The following CCDC179 variants were observed in gnomAD, a reference collection of about 807,000 sequenced individuals.
CCDC179 encodes the protein coiled-coil domain containing 179, also known as coiled-coil domain-containing protein 179.
CCDC179 carries 17 observed loss-of-function variants against 12.0 expected under a neutral mutation model. That is an observed-to-expected ratio of 1.42 (90% CI 0.97 to 2.13). The LOEUF is 2.13. CCDC179 is among the 30% of genes most tolerant of loss of function. CCDC179 has a pLI of 0.00. For missense variants in CCDC179, 83 were observed against 78.6 expected (o/e 1.06, Z -0.21); for synonymous variants, 27 against 26.4 (o/e 1.02, Z -0.07).
chr11:22,855,672 A>G (rs976721278), intron 3 of CCDC179, among the ~76,000 whole-genome samples: 1 of 151,628 alleles, frequency 6.6e-6, no homozygotes, highest in African/African-American at 2.4e-5. Flanking sequence ...AACCCAAAGT[A>G]AGCAGTAGAA....
chr11:22,849,206 C>A (rs1858311683), intron 3 of CCDC179, among the ~76,000 whole-genome samples: 1 of 152,160 alleles, frequency 6.6e-6, no homozygotes, highest in Non-Finnish European at 1.5e-5. Context: ...GGTATACTTT[C>A]TCTTTTATGA....
At chr11:22,860,001 C>T (rs1190092403) in intron 1 of CCDC179, among the ~76,000 whole-genome samples, 1 of 152,170 alleles carries the variant, frequency 6.6e-6, no homozygotes, top group Admixed American at 6.5e-5. Flanking sequence ...TAAATAACTC[C>T]TCCTTCACTC....
chr11:22,859,548 CAG>C, intron 1 of CCDC179, 52 bp from the exon 2 acceptor site: 1 of 1,104,154 alleles, frequency 9.1e-7, no homozygotes, highest in Non-Finnish European at 1.2e-6. Flanking sequence ...TCATTAAAAA[CAG>C]TAAATTAATT....
intron 3 of CCDC179, among the ~76,000 whole-genome samples, chr11:22,854,449 CA>C (rs1858489290): frequency 6.6e-6 from 1 of 151,630 alleles, no homozygotes; most frequent in African/African-American, 2.4e-5. Context: ...AATACTATGT[CA>C]AAAGGTAACT....
intron 1 of CCDC179, among the ~76,000 whole-genome samples, chr11:22,860,047 G>A (rs1858625884): frequency 6.6e-6 from 1 of 152,154 alleles, no homozygotes; most frequent in African/African-American, 2.4e-5. Flanking sequence ...AGACCCAAGA[G>A]CAATCTGTTC....
intron 3 of CCDC179, among the ~76,000 whole-genome samples, chr11:22,856,829 A>T (rs7108863): frequency 0.13 from 19,330 of 151,576 alleles, 1,572 homozygotes; most frequent in Non-Finnish European, 0.18. Context: ...TTATAGTAAG[A>T]TTAGAGGATG....
chr11:22,854,026 A>G (rs1564916061), intron 3 of CCDC179, among the ~76,000 whole-genome samples: 1 of 151,948 alleles, frequency 6.6e-6, no homozygotes. Flanking sequence ...TCATGCAAGC[A>G]ATAAGAGAAT....
At position 22,847,209 on chromosome 11, in the gene CCDC179, A is replaced by C; in HGVS notation, c.*301T>G. 1 of 224,024 alleles carries C rather than the reference A, an allele frequency of 4.5e-6. No individual in the cohort carries two copies. The highest frequency in any genetic ancestry group is 8.6e-6 in the Non-Finnish European group (1 of 116,306). The allele number at this position is 224,024 out of a possible 1,614,324, so 13.9% of individuals were successfully genotyped here. On this transcript the variant is annotated 3_prime_UTR_variant, in exon 4 of 4. Coordinates refer to ENST00000532798, the MANE Select transcript of CCDC179 (RefSeq NM_001195637.2). ...AAATATGTCATAAAACATTTGCAAAAATTTAAATGAGAATAATATTTTTCA... is the reference window on the plus strand; with the variant it reads ...AAATATGTCATAAAACATTTGCAAACATTTAAATGAGAATAATATTTTTCA...
chr11:22,858,089 T>A (rs1858568941), intron 2 of CCDC179, 63 bp from the exon 3 acceptor site: 1 of 1,044,868 alleles, frequency 9.6e-7, no homozygotes, highest in Admixed American at 3.2e-5. Context: ...GGTAACATTC[T>A]GATTACATTT....
intron 2 of CCDC179, among the ~76,000 whole-genome samples, chr11:22,858,953 TA>T (rs776380622): frequency 4.0e-5 from 6 of 151,644 alleles, no homozygotes; most frequent in Non-Finnish European, 8.8e-5. Context: ...GAAAAAAGAG[TA>T]AATCATACAC....
rs1564915029 is a variant in CCDC179 at position 22,850,959 on chromosome 11, TA to T, written c.196-3439del. 1.8e-3 allele frequency among the ~76,000 whole-genome samples: 23 copies of T among 13,028 alleles called. 2 individuals carry two copies. The highest frequency in any genetic ancestry group is 2.3e-3 in the African/African-American group (13 of 5,598). 8.5% of individuals were successfully genotyped at this position (13,028 alleles called of 152,430 possible). A position where few individuals can be genotyped will look rare whatever the true frequency, so the allele number is the denominator to read the frequency against. On this transcript the variant is annotated intron_variant, in intron 3 of 3. Transcript: ENST00000532798. ...CATAGGCTATATATATATATATATA[TA>T]TATATATATATATATATTTTTTTTT...
At chr11:22,852,766 G>A (rs1333971384) in intron 3 of CCDC179, among the ~76,000 whole-genome samples, 1 of 152,060 alleles carries the variant, frequency 6.6e-6, no homozygotes, top group African/African-American at 2.4e-5. Context: ...AAGCTCCAGT[G>A]TCCTGTTTAG....
chr11:22,852,836 C>A (rs184479119), intron 3 of CCDC179, among the ~76,000 whole-genome samples: 3 of 152,194 alleles, frequency 2.0e-5, no homozygotes, highest in Non-Finnish European at 4.4e-5. Flanking sequence ...GATAAATTGG[C>A]TCTATCTGGG....
chr11:22,852,675 C>T (rs1232774822), intron 3 of CCDC179, among the ~76,000 whole-genome samples: 1 of 152,204 alleles, frequency 6.6e-6, no homozygotes, highest in Non-Finnish European at 1.5e-5. Context: ...GCAGCCCATT[C>T]CCATAGGCCC....
At chr11:22,850,976 A>ATTTTTTTTTTTTTTT (rs1164245496) in intron 3 of CCDC179, among the ~76,000 whole-genome samples, 1 of 6,120 alleles carries the variant, frequency 1.6e-4, no homozygotes, top group Non-Finnish European at 4.4e-4. Context: ...ATATATATAT[A>ATTTTTTTTTTTTTTT]TTTTTTTTTT....
chr11:22,858,454 C>T (rs1858582645), intron 2 of CCDC179, among the ~76,000 whole-genome samples: 1 of 151,950 alleles, frequency 6.6e-6, no homozygotes, highest in South Asian at 2.1e-4. Context: ...GTGGCGTCTA[C>T]AAGTAGCAGA....
intron 3 of CCDC179, among the ~76,000 whole-genome samples, chr11:22,852,478 A>G (rs1429949666): frequency 6.6e-6 from 1 of 152,142 alleles, no homozygotes; most frequent in African/African-American, 2.4e-5. Flanking sequence ...TCCCCTATTC[A>G]CTATTGTAGA....
At position 22,847,514 on chromosome 11, in the gene CCDC179, G is replaced by A. The variant is rs1858251150; in HGVS notation, c.203C>T (p.Ser68Phe). 1 of 1,433,258 alleles carries A rather than the reference G, an allele frequency of 7.0e-7. No individual in the cohort carries two copies. The highest frequency in any genetic ancestry group is 9.3e-7 in the Non-Finnish European group (1 of 1,080,162). The allele number at this position is 1,433,258 out of a possible 1,614,324, so 88.8% of individuals were successfully genotyped here. A position where few individuals can be genotyped will look rare whatever the true frequency, so the allele number is the denominator to read the frequency against. ...TTCAAATAGACTCCTGCTTTATCAAGATGACCACTAGACAAGATTAAAATA... is the reference window on the plus strand; with the variant it reads ...TTCAAATAGACTCCTGCTTTATCAAAATGACCACTAGACAAGATTAAAATA... ...PIPEPGLLWSS is the reference protein window; with the variant it reads ...PIPEPGLLWSF Residue 68 changes from serine (S) to phenylalanine (F), a missense_variant, in exon 4 of 4, where the codon TCT becomes TTT. By Grantham distance (155) the Ser-to-Phe change is radical. Transcript: ENST00000532798.
chr11:22,857,402 A>G (rs1472722069), intron 3 of CCDC179, among the ~76,000 whole-genome samples: 1 of 151,740 alleles, frequency 6.6e-6, no homozygotes. Context: ...CAAAGGCAAT[A>G]CAATAGAGAA....
Sources: allele counts gnomAD v4.1 joint callset (sites outside exome capture counted in the v4.1 genomes callset), GRCh38; gene constraint gnomAD v4.1.1; transcripts MANE v1.5; gene names NCBI Gene and HGNC (gene_info 2026-07-23, HGNC 2026-07-21).